STXBP5L: variants seen among roughly 807,000 people sequenced by gnomAD.
STXBP5L encodes the protein syntaxin binding protein 5L, also known as syntaxin-binding protein 5-like.
STXBP5L carries 65 observed loss-of-function variants against 144.5 expected under a neutral mutation model. The ratio of observed to expected loss-of-function variants is 0.45; its 90% CI spans 0.37 to 0.55. The LOEUF (loss-of-function observed/expected upper bound fraction) is 0.55, where lower values mean the gene tolerates loss of function less well. Among genes scored for constraint, STXBP5L ranks in the 20% least tolerant of loss-of-function variants. The probability of loss-of-function intolerance (pLI) is 0.00; values close to 1 mark genes in which losing one functional copy is unlikely to be tolerated. For synonymous variants in STXBP5L, 505 were observed against 469.6 expected (o/e 1.08, Z -0.97); for missense variants, 1,298 against 1,405.5 (o/e 0.92, Z 1.22).
chr3:120,979,542 G>A (rs996669263), intron 3 of STXBP5L, among the ~76,000 whole-genome samples: 4 of 152,134 alleles, frequency 2.6e-5, no homozygotes, highest in African/African-American at 4.8e-5. Flanking sequence ...CACGCACAGT[G>A]CACTGCACCC....
chr3:121,153,360 T>C (rs1274251717), intron 8 of STXBP5L, among the ~76,000 whole-genome samples: 1 of 152,118 alleles, frequency 6.6e-6, no homozygotes, highest in East Asian at 1.9e-4. Flanking sequence ...TCATCTGTGC[T>C]ATTAATTCAA....
intron 3 of STXBP5L, among the ~76,000 whole-genome samples, chr3:120,959,560 A>G (rs1279193885): frequency 4.6e-5 from 7 of 152,172 alleles, no homozygotes; most frequent in African/African-American, 1.7e-4. Context: ...AGAGATATAG[A>G]CCAATGGAAC....
Position 121,403,729 on chromosome 3 carries a change from A to G in STXBP5L, c.2588-3514A>G, listed in dbSNP as rs2046936109. 2.0e-5 allele frequency among the ~76,000 whole-genome samples: 3 copies of G among 152,146 alleles called. No homozygotes were observed. The South Asian group carries it at 6.2e-4, about 32-fold the overall frequency. ...GGAAAAAATTAGAGCAGAAAAGGAGATAGGAATTCTTGGTCATTTCTCAGG... is the reference window on the plus strand; with the variant it reads ...GGAAAAAATTAGAGCAGAAAAGGAGGTAGGAATTCTTGGTCATTTCTCAGG... On this transcript the variant is annotated intron_variant, in intron 22 of 26. Coordinates refer to ENST00000471454, the MANE Select transcript of STXBP5L (RefSeq NM_001308330.2).
At chr3:121,235,994 A>T (rs2049470518) in intron 12 of STXBP5L, among the ~76,000 whole-genome samples, 1 of 152,178 alleles carries the variant, frequency 6.6e-6, no homozygotes, top group African/African-American at 2.4e-5. Flanking sequence ...ATAGGATGAC[A>T]CAGACCTGGA....
At chr3:121,201,728 C>G (rs1434033578) in intron 9 of STXBP5L, among the ~76,000 whole-genome samples, 3 of 151,918 alleles carry the variant, frequency 2.0e-5, no homozygotes, top group Non-Finnish European at 2.9e-5. Context: ...CAATATCCCT[C>G]AACATTTGCC....
At chr3:121,297,091 A>T (rs1313951404) in intron 19 of STXBP5L, among the ~76,000 whole-genome samples, 1 of 152,134 alleles carries the variant, frequency 6.6e-6, no homozygotes, top group Non-Finnish European at 1.5e-5. Flanking sequence ...TTGAGAAATA[A>T]AGAGAGATTT....
intron 3 of STXBP5L, among the ~76,000 whole-genome samples, chr3:121,013,048 T>G (rs1560000328): frequency 6.6e-6 from 1 of 151,886 alleles, no homozygotes; most frequent in Non-Finnish European, 1.5e-5. Flanking sequence ...TATGGCTTCA[T>G]AGTATTGCAT....
intron 18 of STXBP5L, among the ~76,000 whole-genome samples, chr3:121,273,851 C>T (rs2050800166): frequency 6.6e-6 from 1 of 151,864 alleles, no homozygotes; most frequent in Non-Finnish European, 1.5e-5. Flanking sequence ...TTCTTTCATT[C>T]ATTATTCTTT....
chr3:121,194,265 C>G (rs571583503), intron 9 of STXBP5L, among the ~76,000 whole-genome samples: 1 of 152,238 alleles, frequency 6.6e-6, no homozygotes, highest in African/African-American at 2.4e-5. Flanking sequence ...ATAGTCATTT[C>G]AAAGCAATAA....
intron 20 of STXBP5L, among the ~76,000 whole-genome samples, chr3:121,363,588 G>A (rs1010907434): frequency 6.6e-6 from 1 of 151,340 alleles, no homozygotes; most frequent in East Asian, 1.9e-4. Context: ...CTCCCTCCCT[G>A]AGCACCCAGA....
Position 121,367,153 on chromosome 3 carries a change from C to A in STXBP5L, c.2177-11563C>A, listed in dbSNP as rs115420035. On this transcript the variant is annotated intron_variant, in intron 20 of 26. Coordinates refer to ENST00000471454, the MANE Select transcript of STXBP5L (RefSeq NM_001308330.2). ...TTTATCTCTTAAATTATGTAGAACC[C>A]AAAAGGTGTGGTTACAAACCATTGT... Among the ~76,000 whole-genome samples the A allele has an allele frequency of 7.3e-3, 1,106 of 152,144 alleles. 13 individuals carry two copies. The highest frequency in any genetic ancestry group is 0.026 in the African/African-American group (1,061 of 41,512).
chr3:121,205,440 GC>G (rs1448906431), intron 9 of STXBP5L, among the ~76,000 whole-genome samples: 1 of 152,148 alleles, frequency 6.6e-6, no homozygotes, highest in Non-Finnish European at 1.5e-5. Flanking sequence ...TGAGGGCAAA[GC>G]CCCCATGTCC....
In STXBP5L at chr3:121,010,945, A is replaced by G. The variant is rs142595836; in HGVS notation, c.288-30755A>G. Among the ~76,000 whole-genome samples, 681 of 151,566 alleles carry G rather than the reference A, an allele frequency of 4.5e-3. 4 individuals are homozygous for G. Among genetic ancestry groups the G allele is most frequent in the African/African-American group, 0.016 (649 of 41,370 alleles). On this transcript the variant is annotated intron_variant, in intron 3 of 26. Transcript: ENST00000471454. ...AAAATTCATGTTTAAGTGGACTAAC[A>G]TAGTTTGAACTTGTGTTGTTCAAGG... is the stretch of plus-strand genomic sequence containing the variant.
intron 5 of STXBP5L, among the ~76,000 whole-genome samples, chr3:121,054,055 C>T (rs1948248977): frequency 6.6e-6 from 1 of 152,216 alleles, no homozygotes; most frequent in Non-Finnish European, 1.5e-5. Flanking sequence ...CATCTCACAC[C>T]CGTTAGAATG....
intron 2 of STXBP5L, among the ~76,000 whole-genome samples, chr3:120,922,866 G>A (rs1319544802): frequency 6.6e-6 from 1 of 151,728 alleles, no homozygotes; most frequent in Non-Finnish European, 1.5e-5. Flanking sequence ...CATAATTCTG[G>A]TCTCATAGGA....
At chr3:121,343,633 G>A (rs950543802) in intron 20 of STXBP5L, among the ~76,000 whole-genome samples, 2 of 152,038 alleles carry the variant, frequency 1.3e-5, no homozygotes, top group African/African-American at 4.8e-5. Flanking sequence ...AATCATGAGT[G>A]AACACCCATT....
At chr3:121,143,439 G>A (rs1162371938) in intron 7 of STXBP5L, among the ~76,000 whole-genome samples, 1 of 151,624 alleles carries the variant, frequency 6.6e-6, no homozygotes, top group African/African-American at 2.4e-5. Context: ...ACAAAATACT[G>A]GCAAACTGAA....
intron 2 of STXBP5L, among the ~76,000 whole-genome samples, chr3:120,938,530 A>G (rs72966714): frequency 6.6e-6 from 1 of 152,182 alleles, no homozygotes; most frequent in Admixed American, 6.6e-5. Context: ...GAGCAACCCA[A>G]ATCCAAAACA....
At chr3:121,116,668 TTTG>T (rs1322275802) in intron 6 of STXBP5L, among the ~76,000 whole-genome samples, 10 of 152,050 alleles carry the variant, frequency 6.6e-5, no homozygotes, top group Non-Finnish European at 1.2e-4. Context: ...TTTTGCTCAT[TTTG>T]TTGTTCTGTG....
Sources: allele counts gnomAD v4.1 joint callset (sites outside exome capture counted in the v4.1 genomes callset), GRCh38; gene constraint gnomAD v4.1.1; transcripts MANE v1.5; gene names NCBI Gene and HGNC (gene_info 2026-07-23, HGNC 2026-07-21).